CDH3: variants seen among roughly 807,000 people sequenced by gnomAD.
CDH3 encodes the protein cadherin 3.
A neutral mutation model predicts 82.0 loss-of-function variants in CDH3; 54 were observed. That is an observed-to-expected ratio of 0.66 (90% CI 0.53 to 0.83). CDH3 has a LOEUF of 0.83. Ranked by LOEUF, CDH3 falls within the 40% of genes least tolerant of loss-of-function variation. CDH3 has a pLI of 0.00. For missense variants in CDH3, 1,054 were observed against 1,084.6 expected (o/e 0.97, Z 0.40); for synonymous variants, 446 against 437.9 (o/e 1.02, Z -0.23).
intron 2 of CDH3, among the ~76,000 whole-genome samples, chr16:68,673,473 C>CT (rs35264410): frequency 0.57 from 83,731 of 146,426 alleles, 23,998 homozygotes; most frequent in East Asian, 0.64. Flanking sequence ...TGGTCAATTC[C>CT]TTTTTTTTTT....
At chr16:68,733,769 C>A in the CDH3 span, among the ~76,000 whole-genome samples, 1 of 152,038 alleles carries the variant, frequency 6.6e-6, no homozygotes, top group Non-Finnish European at 1.5e-5. Context: ...AACAGAGAAG[C>A]AATTCAGTGT....
At chr16:68,650,797 G>A (rs2152089545) in intron 2 of CDH3, among the ~76,000 whole-genome samples, 1 of 152,170 alleles carries the variant, frequency 6.6e-6, no homozygotes, top group Non-Finnish European at 1.5e-5. Context: ...TACATGCTTC[G>A]GGATACAGCC....
In CDH3 at chr16:68,695,269, C is replaced by T. The variant is rs765575022; in HGVS notation, c.2017C>T (p.Leu673=). The T allele has an allele frequency of 1.9e-6, 3 of 1,614,126 alleles. No individual in the cohort carries two copies. In the South Asian group the frequency reaches 3.3e-5, roughly 18 times the overall value. ...VLALLFLLLV[L]LLLVRKKRKI... is the part of the protein sequence containing the mutation. ...AACCCTTGCAGTCCTCCTGCTGGTG[C>T]TGCTTTTGTTGGTGAGAAAGAAGCG... Residue 673 remains leucine, a synonymous_variant, in exon 14 of 16, where the codon CTG becomes TTG. Coordinates refer to ENST00000264012, the MANE Select transcript of CDH3 (RefSeq NM_001793.6).
At chr16:68,705,485 A>T (rs1245483741) in intron 1 of CDH3, among the ~76,000 whole-genome samples, 1 of 151,642 alleles carries the variant, frequency 6.6e-6, no homozygotes, top group Non-Finnish European at 1.5e-5. Context: ...CAGTGACGCG[A>T]TCTTGGCTCA....
chr16:68,667,005 T>C (rs184815356), intron 2 of CDH3, among the ~76,000 whole-genome samples: 7 of 152,274 alleles, frequency 4.6e-5, no homozygotes, highest in African/African-American at 1.7e-4. Flanking sequence ...ATGGGCTTGT[T>C]TAAGGCATTT....
intron 13 of CDH3, 143 bp downstream of exon 13, chr16:68,692,069 C>G: frequency 1.6e-6 from 1 of 640,472 alleles, no homozygotes; most frequent in Non-Finnish European, 2.7e-6. Flanking sequence ...CAGGGTCTCA[C>G]TCTGTCACCC....
chr16:68,723,486 T>A (rs1962186255), intron 2 of CDH3, among the ~76,000 whole-genome samples: 1 of 152,206 alleles, frequency 6.6e-6, no homozygotes, highest in Non-Finnish European at 1.5e-5. Flanking sequence ...ATCATGGTTC[T>A]TAGAGGCAGA....
Position 68,678,553 on chromosome 16 carries a change from C to A in CDH3, c.443C>A (p.Pro148Gln). The change falls in exon 5 of 16, where the codon CCG becomes CAG. Residue 148 changes from proline to glutamine, a missense_variant. Transcript: ENST00000264012. ...AAGATTTTCTACAGCATCACGGGGC[C>A]GGGGGCAGACAGCCCCCCTGAGGGT... ...DTKIFYSITG[P>Q]GADSPPEGVF... is the part of the protein sequence containing the mutation. 1 of 1,613,382 alleles carries A rather than the reference C, an allele frequency of 6.2e-7. No homozygotes were observed. Among genetic ancestry groups the A allele is most frequent in the Non-Finnish European group, 8.5e-7 (1 of 1,179,970 alleles).
intron 1 of CDH3, among the ~76,000 whole-genome samples, chr16:68,717,882 T>TTAAA: frequency 1.3e-5 from 2 of 152,304 alleles, no homozygotes; most frequent in Admixed American, 1.3e-4. Context: ...TCCCCATGAG[T>TTAAA]TAAAGCAGCA....
chr16:68,678,020 A>T, intron 3 of CDH3, 114 bp from the exon 4 acceptor site: 1 of 973,160 alleles, frequency 1.0e-6, no homozygotes, highest in South Asian at 1.3e-5. Flanking sequence ...AAGTACTGGG[A>T]TTATAGGCGT....
At chr16:68,704,025 G>A (rs1961928960), downstream of CDH3, among the ~76,000 whole-genome samples, 1 of 151,652 alleles carries the variant, frequency 6.6e-6, no homozygotes, top group Non-Finnish European at 1.5e-5. Context: ...GGTGGCTCAC[G>A]CTTGTAATCC....
intron 1 of CDH3, among the ~76,000 whole-genome samples, chr16:68,710,804 G>A (rs1229184472): frequency 6.7e-6 from 1 of 150,308 alleles, no homozygotes; most frequent in African/African-American, 2.5e-5. Context: ...GAGATTGAGT[G>A]ACTGCACTCC....
At chr16:68,686,530 G>A (rs546957564) in intron 11 of CDH3, 24 of 1,134,184 alleles carry the variant, frequency 2.1e-5, no homozygotes, top group East Asian at 4.7e-5. Context: ...CTGTTGGATC[G>A]GATTCTAAAG....
chr16:68,662,473 A>T lies in CDH3; in HGVS notation c.161-13912A>T, dbSNP rs370609612. ...CATATAGTAAGACCTTGTCCCTTTA[A>T]AAAAGATATTTTTGGCTGGGTGCAG... On this transcript the variant is annotated intron_variant, in intron 2 of 15. Transcript: ENST00000264012. Among the ~76,000 whole-genome samples, 13 of 152,146 alleles carry T rather than the reference A, an allele frequency of 8.5e-5. 1 individual carries two copies. The highest frequency in any genetic ancestry group is 2.9e-4 in the African/African-American group (12 of 41,514).
chr16:68,700,596 G>T (rs1008185619), downstream of CDH3, among the ~76,000 whole-genome samples: 9 of 152,174 alleles, frequency 5.9e-5, no homozygotes, highest in African/African-American at 2.2e-4. Context: ...TTGAGGTCAG[G>T]GGTTCGAGAC....
At chr16:68,650,758 C>A (rs1316645920) in intron 2 of CDH3, among the ~76,000 whole-genome samples, 1 of 152,100 alleles carries the variant, frequency 6.6e-6, no homozygotes, top group Non-Finnish European at 1.5e-5. Context: ...CAGTCCATAG[C>A]CTGGACGTGC....
rs1207855633 is a variant in CDH3 at position 68,695,762 on chromosome 16, T to C, written c.2134-15T>C. On this transcript the variant is annotated splice_polypyrimidine_tract_variant and intron_variant, in intron 14 of 15. Coordinates refer to ENST00000264012, the MANE Select transcript of CDH3 (RefSeq NM_001793.6). Reference sequence around the variant, plus strand: ...AGGAGTCCTCAGTCACCTGCTCTCCTGCATTTCCCCACAGGACTATGACAT... The same window carrying C: ...AGGAGTCCTCAGTCACCTGCTCTCCCGCATTTCCCCACAGGACTATGACAT... 42 of 1,613,910 alleles carry C rather than the reference T, an allele frequency of 2.6e-5. No individual in the cohort carries two copies. The highest frequency in any genetic ancestry group is 3.3e-5 in the Non-Finnish European group (39 of 1,179,974).
chr16:68,709,777 G>A (rs939053640), intron 1 of CDH3, among the ~76,000 whole-genome samples: 1 of 152,104 alleles, frequency 6.6e-6, no homozygotes, highest in African/African-American at 2.4e-5. Flanking sequence ...TCTAAAGACG[G>A]CACCATCATC....
intron 1 of CDH3, among the ~76,000 whole-genome samples, chr16:68,708,587 C>T (rs1482758671): frequency 1.3e-5 from 2 of 152,152 alleles, no homozygotes; most frequent in South Asian, 4.1e-4. Flanking sequence ...CCCTGCACCC[C>T]CCAATGCTTT....
Sources: gnomAD v4.1 joint callset for allele counts (sites outside exome capture counted in the v4.1 genomes callset) on GRCh38, gnomAD v4.1.1 for gene constraint, MANE v1.5 for transcripts, NCBI Gene and HGNC (gene_info 2026-07-23, HGNC 2026-07-21) for gene names.